FRAS1: variants seen among roughly 807,000 people sequenced by gnomAD.
The protein encoded by FRAS1 is extracellular matrix organizing protein FRAS1.
A neutral mutation model predicts 435.2 loss-of-function variants in FRAS1; 290 were observed. The observed-to-expected ratio is 0.67, with a 90% CI of 0.61 to 0.73. The LOEUF is 0.73. Among genes scored for constraint, FRAS1 ranks in the 30% least tolerant of loss-of-function variants. FRAS1 has a pLI of 0.00. For synonymous variants in FRAS1, 1,800 were observed against 1,851.0 expected, an observed-to-expected ratio of 0.97 and a Z score of 0.71; for missense variants, 4,860 against 5,001.5, an observed-to-expected ratio of 0.97 and a Z score of 0.85.
At chr4:78,446,275 AAGGGGCTGGCACCAGGGC>A in intron 42 of FRAS1, 1 of 1,006,648 alleles carries the variant, frequency 9.9e-7, no homozygotes, top group Non-Finnish European at 1.2e-6. Context: ...CAGTGGTGGA[AAGGGGCTGGCACCAGGGC>A]AGGGAGACAG....
intron 14 of FRAS1, among the ~76,000 whole-genome samples, chr4:78,306,810 A>G (rs1256753913): frequency 6.6e-6 from 1 of 152,092 alleles, no homozygotes; most frequent in Non-Finnish European, 1.5e-5. Flanking sequence ...TTTGGTTTGA[A>G]TGTCCTCCTG....
intron 6 of FRAS1, among the ~76,000 whole-genome samples, chr4:78,257,778 G>T (rs1725858888): frequency 6.6e-6 from 1 of 152,158 alleles, no homozygotes; most frequent in African/African-American, 2.4e-5. Flanking sequence ...GATAATCCTT[G>T]ACAAGAGGAG....
rs139075056 is a variant in FRAS1, at chr4:78,239,816, A to T, written c.216+2199A>T. Among the ~76,000 whole-genome samples, 690 of 152,292 alleles carry T rather than the reference A, an allele frequency of 4.5e-3. 6 individuals are homozygous for T. The highest frequency in any genetic ancestry group is 0.015 in the African/African-American group (643 of 41,572). On this transcript the variant is annotated intron_variant, in intron 3 of 73. Coordinates refer to ENST00000512123, the MANE Select transcript of FRAS1 (RefSeq NM_025074.7). Reference sequence around the variant, plus strand: ...GAGAGAGATGTGTGTTTATATACATATATGTATACATATATTACTTGATCT... The same window carrying T: ...GAGAGAGATGTGTGTTTATATACATTTATGTATACATATATTACTTGATCT...
At chr4:78,117,649 G>A (rs932516055) in intron 2 of FRAS1, among the ~76,000 whole-genome samples, 7 of 152,270 alleles carry the variant, frequency 4.6e-5, no homozygotes, top group East Asian at 3.9e-4. Flanking sequence ...CATTCATCAT[G>A]TAGTTCTCGT....
intron 2 of FRAS1, among the ~76,000 whole-genome samples, chr4:78,169,547 C>A (rs145657602): frequency 1.3e-5 from 2 of 152,156 alleles, no homozygotes; most frequent in East Asian, 3.9e-4. Flanking sequence ...CATCACTAAC[C>A]ACAACGTATA....
Position 78,131,075 on chromosome 4 carries a change from A to G in FRAS1, c.108+65059A>G, listed in dbSNP as rs1305238909. On this transcript the variant is annotated intron_variant, in intron 2 of 73. Transcript: ENST00000512123. Reference sequence around the variant, plus strand: ...TAAAAATTATATTTTTTCTTAAGATATGAACATTTTGAAAGATTTGCCACA... The same window carrying G: ...TAAAAATTATATTTTTTCTTAAGATGTGAACATTTTGAAAGATTTGCCACA... Among the ~76,000 whole-genome samples the G allele has an allele frequency of 3.3e-5, 5 of 152,302 alleles. No individual in the cohort carries two copies. In the East Asian group the frequency reaches 5.8e-4, roughly 18 times the overall value.
chr4:78,212,314 T>A (rs1723548162), intron 2 of FRAS1, among the ~76,000 whole-genome samples: 1 of 152,238 alleles, frequency 6.6e-6, no homozygotes, highest in African/African-American at 2.4e-5. Context: ...ATTTTGTGCA[T>A]CGTCTTCCCT....
chr4:78,355,739 T>C (rs1257096384), intron 20 of FRAS1, among the ~76,000 whole-genome samples: 2 of 152,206 alleles, frequency 1.3e-5, no homozygotes, highest in Admixed American at 1.3e-4. Context: ...CTTCCTCTAC[T>C]GTGTCCTGTG....
chr4:78,452,073 G>A, intron 46 of FRAS1, 102 bp from the exon 47 acceptor site: 3 of 1,330,844 alleles, frequency 2.3e-6, no homozygotes, highest in Non-Finnish European at 3.2e-6. Flanking sequence ...TAACACACAG[G>A]CCTAGAGATG....
chr4:78,526,178 C>A (rs576820914), intron 69 of FRAS1, among the ~76,000 whole-genome samples: 16 of 152,290 alleles, frequency 1.1e-4, no homozygotes, highest in Admixed American at 7.2e-4. Flanking sequence ...CATCAAGAAA[C>A]ACTAAACAGA....
intron 3 of FRAS1, among the ~76,000 whole-genome samples, chr4:78,242,531 G>C (rs1725048767): frequency 6.6e-6 from 1 of 152,206 alleles, no homozygotes; most frequent in Admixed American, 6.5e-5. Context: ...TGCCTCTCGG[G>C]TTCAAGTGAT....
chr4:78,354,260 G>A (rs1730763314), intron 20 of FRAS1, among the ~76,000 whole-genome samples: 1 of 152,276 alleles, frequency 6.6e-6, no homozygotes, highest in Admixed American at 6.5e-5. Context: ...CCTATAACAT[G>A]AAGGTCATTC....
chr4:78,274,098 G>A lies in FRAS1; in HGVS notation c.982-4557G>A, dbSNP rs189449708. Among the ~76,000 whole-genome samples, 38 of 152,268 alleles carry A rather than the reference G, an allele frequency of 2.5e-4. No homozygotes were observed. In the East Asian group the frequency reaches 4.0e-3, roughly 16 times the overall value. On this transcript the variant is annotated intron_variant, in intron 9 of 73. Transcript: ENST00000512123. ...TTCCTTTAGATTTTCTAGTTTATTT[G>A]CATAGAGGTGTTTATAGTATTCTCT...
At position 78,186,990 on chromosome 4, in the gene FRAS1, A is replaced by C. The variant is rs948547122; in HGVS notation, c.109-50520A>C. On this transcript the variant is annotated intron_variant, in intron 2 of 73. Coordinates refer to ENST00000512123, the MANE Select transcript of FRAS1 (RefSeq NM_025074.7). The stretch of plus-strand genomic sequence containing the variant: ...TTTACTTTAGTTTTTTCCAAAGCAC[A>C]CAATAAATATTTTTGAGGGAATGCA... 6.6e-5 allele frequency among the ~76,000 whole-genome samples: 10 copies of C among 152,350 alleles called. No homozygotes were observed. The East Asian group carries it at 1.3e-3, about 21-fold the overall frequency.
chr4:78,116,261 A>G (rs553284593), intron 2 of FRAS1, among the ~76,000 whole-genome samples: 3 of 152,254 alleles, frequency 2.0e-5, no homozygotes, highest in South Asian at 4.1e-4. Context: ...TATGTAGTCA[A>G]TTTTGGAATA....
intron 2 of FRAS1, among the ~76,000 whole-genome samples, chr4:78,197,195 A>T (rs1449954131): frequency 1.3e-5 from 2 of 152,148 alleles, no homozygotes; most frequent in Non-Finnish European, 1.5e-5. Flanking sequence ...TTCCTGTAAA[A>T]TTAGTCTGGG....
At chr4:78,383,010 T>C (rs754546818) in intron 27 of FRAS1, among the ~76,000 whole-genome samples, 18 of 152,198 alleles carry the variant, frequency 1.2e-4, no homozygotes, top group Middle Eastern at 3.2e-3. Context: ...TTTAAAACAA[T>C]GGTCCCTCTA....
intron 2 of FRAS1, among the ~76,000 whole-genome samples, chr4:78,210,045 T>C (rs1372493373): frequency 1.3e-5 from 2 of 152,156 alleles, no homozygotes; most frequent in African/African-American, 2.4e-5. Flanking sequence ...ACCTGCCTCA[T>C]CTCTTGCTAG....
chr4:78,529,189 G>A (rs1320351542), intron 70 of FRAS1, among the ~76,000 whole-genome samples: 1 of 152,118 alleles, frequency 6.6e-6, no homozygotes, highest in Non-Finnish European at 1.5e-5. Flanking sequence ...TTCATGGCAG[G>A]AACAATGCCA....
Sources: gnomAD v4.1 joint callset for allele counts (sites outside exome capture counted in the v4.1 genomes callset) on GRCh38, gnomAD v4.1.1 for gene constraint, MANE v1.5 for transcripts, NCBI Gene and HGNC (gene_info 2026-07-23, HGNC 2026-07-21) for gene names.